Variants in SLC24A2 observed in about 807,000 individuals in gnomAD.
SLC24A2 encodes the protein solute carrier family 24 member 2, also known as sodium/potassium/calcium exchanger 2.
Under a neutral mutation model 62.0 loss-of-function variants are expected in SLC24A2, and 36 were observed. The ratio of observed to expected loss-of-function variants is 0.58; its 90% CI spans 0.44 to 0.77. SLC24A2 has a LOEUF of 0.77. Among genes scored for constraint, SLC24A2 ranks in the 30% least tolerant of loss-of-function variants. The pLI is 0.00. For synonymous variants in SLC24A2, 358 were observed against 294.0 expected (o/e 1.22, Z -2.23); for missense variants, 846 against 817.9 (o/e 1.03, Z -0.42).
chr9:20,064,405 G>C, the SLC24A2 span, among the ~76,000 whole-genome samples: 1 of 152,070 alleles, frequency 6.6e-6, no homozygotes, highest in Non-Finnish European at 1.5e-5. Flanking sequence ...GATTGTGCTT[G>C]GGGTTTGCAC....
chr9:19,608,615 A>G (rs2132929623), intron 4 of SLC24A2, among the ~76,000 whole-genome samples: 1 of 152,312 alleles, frequency 6.6e-6, no homozygotes, highest in East Asian at 1.9e-4. Flanking sequence ...GAGGTAAAAC[A>G]TGCATATGAC....
At chr9:20,176,246 C>G in the SLC24A2 span, among the ~76,000 whole-genome samples, 2 of 152,064 alleles carry the variant, frequency 1.3e-5, no homozygotes, top group South Asian at 4.2e-4. Flanking sequence ...CTATTTGCCC[C>G]AATTGAGCCA....
At chr9:20,027,889 A>G in the SLC24A2 span, among the ~76,000 whole-genome samples, 81 of 152,332 alleles carry the variant, frequency 5.3e-4, no homozygotes, top group Non-Finnish European at 5.9e-5. Context: ...AATGCTTTAC[A>G]TGATAAAAAC....
chr9:20,274,961 T>A, the SLC24A2 span, among the ~76,000 whole-genome samples: 1 of 152,014 alleles, frequency 6.6e-6, no homozygotes, highest in Non-Finnish European at 1.5e-5. Flanking sequence ...TGCATGACTT[T>A]CTCCCTCAAT....
At chr9:19,686,438 C>T (rs1819882729) in intron 2 of SLC24A2, among the ~76,000 whole-genome samples, 2 of 152,046 alleles carry the variant, frequency 1.3e-5, no homozygotes, top group African/African-American at 4.8e-5. Context: ...AATCATTCTA[C>T]CATAAAGACA....
rs188209604 is a variant in SLC24A2, at chr9:19,688,246, T to C, written c.931-65947A>G. Among the ~76,000 whole-genome samples the C allele has an allele frequency of 2.2e-4, 34 of 152,232 alleles. No homozygotes were observed. In the East Asian group the frequency reaches 6.2e-3, roughly 28 times the overall value. ...GAAAACAGGACTTGATAATCCTGGCTTTATGGATTACTGATTGTGTGGCTT... is the reference window on the plus strand; with the variant it reads ...GAAAACAGGACTTGATAATCCTGGCCTTATGGATTACTGATTGTGTGGCTT... On this transcript the variant is annotated intron_variant, in intron 2 of 10. Transcript: ENST00000341998.
the SLC24A2 span, among the ~76,000 whole-genome samples, chr9:20,181,353 A>T: frequency 5.3e-5 from 8 of 152,168 alleles, no homozygotes; most frequent in Admixed American, 5.2e-4. Flanking sequence ...TCTGGCGGAA[A>T]CATAAAGAAG....
intron 2 of SLC24A2, among the ~76,000 whole-genome samples, chr9:19,646,798 G>A (rs1434453433): frequency 6.6e-6 from 1 of 151,972 alleles, no homozygotes; most frequent in African/African-American, 2.4e-5. Context: ...ATTTTCCCAG[G>A]TATGTATTTC....
At chr9:20,031,131 C>T in the SLC24A2 span, among the ~76,000 whole-genome samples, 1 of 151,478 alleles carries the variant, frequency 6.6e-6, no homozygotes, top group African/African-American at 2.4e-5. Context: ...TATTCACATA[C>T]ACACATATAT....
chr9:20,256,482 AT>A, the SLC24A2 span, among the ~76,000 whole-genome samples: 9 of 151,368 alleles, frequency 5.9e-5, no homozygotes, highest in Non-Finnish European at 1.0e-4. Flanking sequence ...GCACTTCACA[AT>A]TTTTTTTTCC....
chr9:19,972,843 T>C, the SLC24A2 span, among the ~76,000 whole-genome samples: 1 of 152,176 alleles, frequency 6.6e-6, no homozygotes, highest in Non-Finnish European at 1.5e-5. Flanking sequence ...AAAGTTTCTG[T>C]CATTACGAGA....
the SLC24A2 span, among the ~76,000 whole-genome samples, chr9:20,109,006 G>C: frequency 6.6e-6 from 1 of 152,120 alleles, no homozygotes; most frequent in African/African-American, 2.4e-5. Flanking sequence ...TCCATGTTTA[G>C]ATGTGTTTAG....
intron 2 of SLC24A2, among the ~76,000 whole-genome samples, chr9:19,758,085 C>G (rs1350466945): frequency 1.3e-5 from 2 of 152,086 alleles, no homozygotes; most frequent in Non-Finnish European, 2.9e-5. Context: ...ATTATCTAGT[C>G]TCAGGTATTA....
chr9:19,995,993 C>G, the SLC24A2 span, among the ~76,000 whole-genome samples: 2,445 of 152,298 alleles, frequency 0.016, 33 homozygotes, highest in Middle Eastern at 0.027. Context: ...GGAAGAGAAC[C>G]ACTACTTTCA....
At chr9:20,040,425 A>C in the SLC24A2 span, among the ~76,000 whole-genome samples, 126 of 152,200 alleles carry the variant, frequency 8.3e-4, 1 homozygote, top group Non-Finnish European at 1.8e-4. Flanking sequence ...AAGATGGAAT[A>C]ATGAATCAAA....
At chr9:19,860,839 G>A in the SLC24A2 span, among the ~76,000 whole-genome samples, 1 of 152,210 alleles carries the variant, frequency 6.6e-6, no homozygotes, top group Non-Finnish European at 1.5e-5. Context: ...GCAGTGGCCT[G>A]AAGGTGAGAC....
chr9:20,256,936 ACACACAC>A, the SLC24A2 span, among the ~76,000 whole-genome samples: 1 of 151,952 alleles, frequency 6.6e-6, no homozygotes, highest in Non-Finnish European at 1.5e-5. Flanking sequence ...ACACACACAC[ACACACAC>A]ACACACTTGC....
chr9:20,087,766 A>G, the SLC24A2 span, among the ~76,000 whole-genome samples: 1 of 152,198 alleles, frequency 6.6e-6, no homozygotes, highest in East Asian at 1.9e-4. Flanking sequence ...GAGTAAGTAC[A>G]ACACCTTCAG....
At chr9:19,555,770 C>A (rs148200425) in intron 7 of SLC24A2, among the ~76,000 whole-genome samples, 1 of 152,028 alleles carries the variant, frequency 6.6e-6, no homozygotes, top group Non-Finnish European at 1.5e-5. Context: ...CATGGTGAAA[C>A]CCCATCTCTA....
Sources: allele counts gnomAD v4.1 joint callset (sites outside exome capture counted in the v4.1 genomes callset), GRCh38; gene constraint gnomAD v4.1.1; transcripts MANE v1.5; gene names NCBI Gene and HGNC (gene_info 2026-07-23, HGNC 2026-07-21).